DLG2: variants seen among roughly 807,000 people sequenced by gnomAD.
DLG2 encodes the protein disks large homolog 2.
DLG2 carries 45 observed loss-of-function variants against 132.5 expected under a neutral mutation model. That is an observed-to-expected ratio of 0.34 (90% CI 0.27 to 0.44). DLG2 has a LOEUF of 0.44. DLG2 is among the 20% of genes least tolerant of loss of function. The pLI is 1.00. For synonymous variants in DLG2, 424 were observed against 419.6 expected, an observed-to-expected ratio of 1.01 and a Z score of -0.13; for missense variants, 1,045 against 1,196.9, an observed-to-expected ratio of 0.87 and a Z score of 1.87.
At chr11:84,768,673 T>C (rs1237626725) in intron 6 of DLG2, among the ~76,000 whole-genome samples, 1 of 152,112 alleles carries the variant, frequency 6.6e-6, no homozygotes, top group East Asian at 1.9e-4. Context: ...AAAGTAGGCA[T>C]ATCTATAAAC....
rs577326932 is a variant in DLG2, at chr11:84,586,326, A to T, written c.358-51595T>A. On this transcript the variant is annotated intron_variant, in intron 6 of 27. Coordinates refer to ENST00000376104, the MANE Select transcript of DLG2 (RefSeq NM_001142699.3). ...TATGATTATATCATGATCTTCTTTAACTCTAATAGTCTATTTTGTCTTGAA... is the reference window on the plus strand; with the variant it reads ...TATGATTATATCATGATCTTCTTTATCTCTAATAGTCTATTTTGTCTTGAA... Among the ~76,000 whole-genome samples the T allele has an allele frequency of 1.4e-4, 22 of 152,212 alleles. 1 individual carries two copies. The highest frequency in any genetic ancestry group is 3.9e-4 in the Admixed American group (6 of 15,294).
intron 9 of DLG2, among the ~76,000 whole-genome samples, chr11:84,105,508 G>C (rs1953712158): frequency 6.6e-6 from 1 of 152,142 alleles, no homozygotes. Context: ...GACAGTAAGG[G>C]AGAACAGATG....
At chr11:83,717,034 A>G (rs1462105315) in intron 18 of DLG2, among the ~76,000 whole-genome samples, 1 of 152,166 alleles carries the variant, frequency 6.6e-6, no homozygotes, top group Non-Finnish European at 1.5e-5. Context: ...GAACTTAAAT[A>G]TTTTGTAGTA....
At chr11:83,995,043 T>C (rs1358270831) in intron 11 of DLG2, among the ~76,000 whole-genome samples, 2 of 151,000 alleles carry the variant, frequency 1.3e-5, no homozygotes, top group East Asian at 3.9e-4. Context: ...TACGACCTCA[T>C]CTTAACTTGA....
At chr11:83,740,446 C>G (rs1458425071) in intron 18 of DLG2, among the ~76,000 whole-genome samples, 3 of 152,082 alleles carry the variant, frequency 2.0e-5, no homozygotes, top group African/African-American at 7.2e-5. Flanking sequence ...AAAGTGCCAA[C>G]TGGATAAAAA....
intron 6 of DLG2, 46 bp downstream of exon 6, chr11:85,111,615 A>G: frequency 6.8e-7 from 1 of 1,462,152 alleles, no homozygotes; most frequent in Non-Finnish European, 9.2e-7. Context: ...CAAAATATAA[A>G]AACATTTATC....
chr11:85,200,278 A>G (rs1281639096), intron 4 of DLG2, among the ~76,000 whole-genome samples: 2 of 152,170 alleles, frequency 1.3e-5, no homozygotes, highest in African/African-American at 4.8e-5. Context: ...AAACCATCTG[A>G]CACGGGGTTG....
At chr11:83,510,683 C>T (rs934733842) in intron 21 of DLG2, among the ~76,000 whole-genome samples, 1 of 152,000 alleles carries the variant, frequency 6.6e-6, no homozygotes, top group African/African-American at 2.4e-5. Context: ...CTCACGGTGT[C>T]TCCCATCTAA....
chr11:83,721,592 CCA>C (rs1410186977), intron 18 of DLG2, among the ~76,000 whole-genome samples: 8 of 152,264 alleles, frequency 5.3e-5, no homozygotes, highest in South Asian at 2.1e-4. Flanking sequence ...AGTGATAAAT[CCA>C]CAGACATTTT....
intron 3 of DLG2, among the ~76,000 whole-genome samples, chr11:85,307,889 T>C (rs2080057748): frequency 6.6e-6 from 1 of 152,186 alleles, no homozygotes; most frequent in Non-Finnish European, 1.5e-5. Flanking sequence ...GCGCGGTGGC[T>C]CATGCCTGTA....
chr11:84,328,270 G>A (rs959063278), intron 7 of DLG2, among the ~76,000 whole-genome samples: 1 of 151,884 alleles, frequency 6.6e-6, no homozygotes, highest in African/African-American at 2.4e-5. Flanking sequence ...AAGGAGGAAG[G>A]AAGGAAGTTG....
chr11:85,482,401 T>C (rs940266747), intron 3 of DLG2, among the ~76,000 whole-genome samples: 1 of 152,100 alleles, frequency 6.6e-6, no homozygotes, highest in South Asian at 2.1e-4. Context: ...CATGGTCCCA[T>C]GCTCAAGGCC....
chr11:85,186,298 G>A (rs909328788), intron 4 of DLG2, among the ~76,000 whole-genome samples: 9 of 152,002 alleles, frequency 5.9e-5, no homozygotes, highest in African/African-American at 2.2e-4. Context: ...ATTTCTACAT[G>A]TAATCAATAT....
At chr11:83,948,990 G>A (rs1395952299) in intron 14 of DLG2, among the ~76,000 whole-genome samples, 4 of 152,104 alleles carry the variant, frequency 2.6e-5, no homozygotes, top group Non-Finnish European at 4.4e-5. Context: ...ATATTTTATG[G>A]AAAATACTTA....
intron 9 of DLG2, among the ~76,000 whole-genome samples, chr11:84,126,619 A>G (rs190876551): frequency 6.6e-6 from 1 of 152,364 alleles, no homozygotes; most frequent in African/African-American, 2.4e-5. Context: ...AAAAGAAAAA[A>G]TATTTCAATC....
chr11:85,480,570 C>T (rs2093264101), intron 3 of DLG2, among the ~76,000 whole-genome samples: 1 of 152,180 alleles, frequency 6.6e-6, no homozygotes, highest in Admixed American at 6.5e-5. Context: ...TATGGATATA[C>T]ATGTGTAATG....
chr11:83,671,276 G>GTATATAGAACATAAGCTGTGTA (rs1566450154), intron 18 of DLG2, among the ~76,000 whole-genome samples: 38 of 151,894 alleles, frequency 2.5e-4, no homozygotes, highest in African/African-American at 8.9e-4. Flanking sequence ...AATGCTGTGT[G>GTATATAGAACATAAGCTGTGTA]GTATATAGAA....
At position 83,919,572 on chromosome 11, in the gene DLG2, C is replaced by T. The variant is rs139844196; in HGVS notation, c.1496+10756G>A. On this transcript the variant is annotated intron_variant, in intron 15 of 27. Transcript: ENST00000376104. The stretch of plus-strand genomic sequence containing the variant: ...CATTACAGGTGGCTGTTGACTATAT[C>T]CACAAAAGAAACTCTCTAGGTCCAG... Among the ~76,000 whole-genome samples the T allele has an allele frequency of 2.7e-3, 414 of 152,214 alleles. 3 individuals are homozygous for T. The highest frequency in any genetic ancestry group is 0.022 in the East Asian group (113 of 5,178).
At chr11:83,591,672 T>C (rs2097189385) in intron 19 of DLG2, among the ~76,000 whole-genome samples, 2 of 145,690 alleles carry the variant, frequency 1.4e-5, no homozygotes, top group Admixed American at 1.4e-4. Context: ...AAATAAAGGG[T>C]ATTCAATTAG....
Sources: gnomAD v4.1 joint callset for allele counts (sites outside exome capture counted in the v4.1 genomes callset) on GRCh38, gnomAD v4.1.1 for gene constraint, MANE v1.5 for transcripts, NCBI Gene and HGNC (gene_info 2026-07-23, HGNC 2026-07-21) for gene names.